Variants in KCP observed in about 807,000 individuals in gnomAD.
KCP encodes the protein kielin cysteine rich BMP regulator.
Under a neutral mutation model 212.7 loss-of-function variants are expected in KCP, and 194 were observed. That is an observed-to-expected ratio of 0.91 (90% CI 0.81 to 1.03). The LOEUF (loss-of-function observed/expected upper bound fraction) is 1.03, where lower values mean the gene tolerates loss of function less well. KCP is among the 50% of genes least tolerant of loss of function. The pLI is 0.00. For missense variants in KCP, 2,080 were observed against 2,162.5 expected (o/e 0.96, Z 0.76); for synonymous variants, 833 against 865.3 (o/e 0.96, Z 0.65).
At chr7:128,908,677 C>G in intron 1 of KCP, 109 bp from the exon 2 acceptor site, 2 of 1,206,796 alleles carry the variant, frequency 1.7e-6, no homozygotes, top group Non-Finnish European at 2.3e-6. Flanking sequence ...TCCTGTGCAC[C>G]CTGCCCTCTC....
chr7:128,893,513 G>A (rs376864798), intron 11 of KCP, 37 bp from the exon 12 acceptor site: 77 of 1,421,816 alleles, frequency 5.4e-5, no homozygotes, highest in South Asian at 4.9e-4. Context: ...GTATAGGGCT[G>A]GAGGCAGAGG....
intron 8 of KCP, 151 bp downstream of exon 8, chr7:128,902,626 C>T (rs751581141): frequency 1.7e-5 from 12 of 720,936 alleles, no homozygotes; most frequent in Non-Finnish European, 2.6e-5. Context: ...GCCCAGCCCC[C>T]GCCTGCACAG....
intron 8 of KCP, among the ~76,000 whole-genome samples, chr7:128,902,122 T>G (rs565237239): frequency 4.1e-4 from 62 of 152,342 alleles, no homozygotes; most frequent in African/African-American, 1.4e-3. Context: ...CTCAAACTCT[T>G]GGGCTCAAGT....
chr7:128,886,609 T>A, intron 25 of KCP, 46 bp downstream of exon 25: 2 of 1,549,856 alleles, frequency 1.3e-6, no homozygotes, highest in Non-Finnish European at 1.7e-6. Context: ...GGCCCAGAGG[T>A]GCTATGGTCC....
At chr7:128,879,023 G>T in intron 37 of KCP, 1 of 435,874 alleles carries the variant, frequency 2.3e-6, no homozygotes, top group South Asian at 4.1e-5. Flanking sequence ...CCCCTTCCGG[G>T]GATTCACTTT....
rs915575623 is a variant in KCP at position 128,891,199 on chromosome 7, C to G, written c.1958G>C (p.Cys653Ser). 6.5e-7 allele frequency: 1 copy of G among 1,543,788 alleles called. No homozygotes were observed. The highest frequency in any genetic ancestry group is 1.4e-5 in the African/African-American group (1 of 72,946). ...GCGGCCCCTACCTGGGCACTGCGGG[C>G]AGCACTCTCCCGGCAGCAGGACAGG... ...PEPVLLPGEC[C>S]PQCPAAPAPA... The change falls in exon 19 of 40, where the codon TGC (cysteine) becomes TCC (serine). Residue 653 changes from cysteine (C) to serine (S), a missense_variant. Transcript: ENST00000610776.
chr7:128,878,561 C>A lies in KCP; in HGVS notation c.4308G>T (p.Trp1436Cys), dbSNP rs1353538752. The A allele has an allele frequency of 6.4e-7, 1 of 1,550,988 alleles. No individual in the cohort carries two copies. Among genetic ancestry groups the A allele is most frequent in the Non-Finnish European group, 8.7e-7 (1 of 1,146,714 alleles). Residue 1436 changes from tryptophan to cysteine, a missense_variant, in exon 38 of 40, where the codon TGG becomes TGT. By Grantham distance (215) the Trp-to-Cys change is radical. Transcript: ENST00000610776. Reference sequence around the variant, plus strand: ...CCCCGGTTCCTGTACCACTCACCTGCCAGCTATTCCCAAACGCAGCCTCCG... The same window carrying A: ...CCCCGGTTCCTGTACCACTCACCTGACAGCTATTCCCAAACGCAGCCTCCG... ...LPSEAAFGNS[W>C]QVSEGLWPGR...
In KCP at chr7:128,891,713, A is replaced by T; in HGVS notation, c.1728T>A (p.Pro576=). 1.4e-6 allele frequency: 2 copies of T among 1,447,836 alleles called. No homozygotes were observed. The highest frequency in any genetic ancestry group is 1.8e-6 in the Non-Finnish European group (2 of 1,098,606). The allele number at this position is 1,447,836 out of a possible 1,614,324, so 89.7% of individuals were successfully genotyped here. A position where few individuals can be genotyped will look rare whatever the true frequency, so the allele number is the denominator to read the frequency against. The change falls in exon 17 of 40, where the codon CCT becomes CCA. Residue 576 remains proline (P), a synonymous_variant. Coordinates refer to ENST00000610776, the MANE Select transcript of KCP (RefSeq NM_001366122.1). ...CACAGGGGGCCCTGGGGCAGGGGCG[A>T]GGCTGGCAGTGGGCATGGCCTTCCT... ...RCQEGHAHCQ[P]RPCPRAPCAH...
chr7:128,893,872 G>A lies in KCP; in HGVS notation c.1033C>T (p.Pro345Ser), dbSNP rs1208207105. The stretch of plus-strand genomic sequence containing the variant: ...TGTCTGCAGGGCACTGGCGGGCAGG[G>A]CAGAGGCTCACACTGGACACTCCCA... The part of the protein sequence containing the change: ...ANGSVQCEPL[P>S]CPPVPCRHPG... The change falls in exon 11 of 40, where the codon CCC becomes TCC. Residue 345 changes from proline (P) to serine (S), a missense_variant. Coordinates refer to ENST00000610776, the MANE Select transcript of KCP (RefSeq NM_001366122.1). The A allele has an allele frequency of 1.9e-6, 3 of 1,551,234 alleles. No individual in the cohort carries two copies. The highest frequency in any genetic ancestry group is 1.4e-5 in the African/African-American group (1 of 73,162).
chr7:128,908,251 G>GAAAGAAAGAAAGAAAGAAAGAAAGA (rs10565205), intron 2 of KCP, among the ~76,000 whole-genome samples, 175 bp downstream of exon 2: 2 of 101,276 alleles, frequency 2.0e-5, no homozygotes, highest in Admixed American at 1.0e-4. Flanking sequence ...AAGAAAGAAA[G>GAAAGAAAGAAAGAAAGAAAGAAAGA]AAGAAAGAAA....
In KCP at chr7:128,908,479, G is replaced by T. The variant is rs1795272129; in HGVS notation, c.166C>A (p.Leu56Met). 6.4e-7 allele frequency: 1 copy of T among 1,551,890 alleles called. No homozygotes were observed. The highest frequency in any genetic ancestry group is 1.4e-5 in the African/African-American group (1 of 73,036). ...TCCAGTCGCCCCAGCCACTCTCGCAGGGGGTGCCACTGCTCCTGGGAGTTC... is the reference window on the plus strand; with the variant it reads ...TCCAGTCGCCCCAGCCACTCTCGCATGGGGTGCCACTGCTCCTGGGAGTTC... ...AGNSQEQWHP[L>M]REWLGRLEAA... The change falls in exon 2 of 40, where the codon CTG becomes ATG. Residue 56 changes from leucine to methionine, a missense_variant. Coordinates refer to ENST00000610776, the MANE Select transcript of KCP (RefSeq NM_001366122.1).
chr7:128,894,402 TG>T (rs1288459037), intron 8 of KCP, 109 bp from the exon 9 acceptor site: 11 of 836,234 alleles, frequency 1.3e-5, no homozygotes, highest in Non-Finnish European at 2.0e-5. Context: ...TGGGTTGAAT[TG>T]TGTGTCCCCG....
chr7:128,894,291 C>T lies in KCP; in HGVS notation c.834G>A (p.Glu278=), dbSNP rs1337659478. The change falls in exon 9 of 40, where the codon GAG becomes GAA. Residue 278 remains glutamate (E), a splice_region_variant and synonymous_variant. Transcript: ENST00000610776. ...CTCGCTGGCGGCACTGGATGTGACC[C>T]TCCTGGTGGGGAGAATGAACAGGGG... ...GDPCRICRCL[E]GHIQCRQREC... 1.3e-6 allele frequency: 2 copies of T among 1,535,240 alleles called. No homozygotes were observed. Among genetic ancestry groups the T allele is most frequent in the Non-Finnish European group, 1.8e-6 (2 of 1,136,834 alleles).
At chr7:128,895,117 C>T (rs1347610132) in intron 8 of KCP, among the ~76,000 whole-genome samples, 1 of 152,144 alleles carries the variant, frequency 6.6e-6, no homozygotes, top group Non-Finnish European at 1.5e-5. Context: ...CTTCTGGCCT[C>T]CAGAACTGTG....
rs958166653 is a variant in KCP, at chr7:128,883,943, C to A, written c.3244+59G>T. 5 of 1,506,014 alleles carry A rather than the reference C, an allele frequency of 3.3e-6. No individual in the cohort carries two copies. In the South Asian group the frequency reaches 5.1e-5, roughly 15 times the overall value. The allele number at this position is 1,506,014 out of a possible 1,614,324, so 93.3% of individuals were successfully genotyped here. A position where few individuals can be genotyped will look rare whatever the true frequency, so the allele number is the denominator to read the frequency against. ...TGGGGCTGGGACTGGTGAGGAAGGGCGGCAGGGGGTGGCAGCCCTAACCTC... is the reference window on the plus strand; with the variant it reads ...TGGGGCTGGGACTGGTGAGGAAGGGAGGCAGGGGGTGGCAGCCCTAACCTC... On this transcript the variant is annotated intron_variant, in intron 29 of 39. Transcript: ENST00000610776.
chr7:128,909,761 G>T (rs1795333645), intron 1 of KCP, among the ~76,000 whole-genome samples: 1 of 152,132 alleles, frequency 6.6e-6, no homozygotes, highest in South Asian at 2.1e-4. Context: ...TTCCAGCCCC[G>T]CTACTTCTGG....
intron 8 of KCP, among the ~76,000 whole-genome samples, chr7:128,895,431 C>T (rs1022853715): frequency 1.3e-5 from 2 of 152,178 alleles, no homozygotes; most frequent in Non-Finnish European, 2.9e-5. Flanking sequence ...AATTCACACC[C>T]ACATCACTGG....
At chr7:128,882,990 C>T (rs1482368760) in intron 29 of KCP, among the ~76,000 whole-genome samples, 1 of 151,742 alleles carries the variant, frequency 6.6e-6, no homozygotes, top group African/African-American at 2.4e-5. Context: ...GTGAATCCCT[C>T]GAATCCAGAG....
At chr7:128,905,264 TGC>T (rs1184798173) in intron 5 of KCP, among the ~76,000 whole-genome samples, 2 of 152,172 alleles carry the variant, frequency 1.3e-5, no homozygotes, top group African/African-American at 4.8e-5. Context: ...TCCTAAATAT[TGC>T]ATAGGATATA....
Sources: gnomAD v4.1 joint callset for allele counts (sites outside exome capture counted in the v4.1 genomes callset) on GRCh38, gnomAD v4.1.1 for gene constraint, MANE v1.5 for transcripts, NCBI Gene and HGNC (gene_info 2026-07-23, HGNC 2026-07-21) for gene names.